ZNF276: variants seen among roughly 807,000 people sequenced by gnomAD.
ZNF276 encodes the protein zinc finger protein 276, also known as centromere protein Z.
ZNF276 carries 59 observed loss-of-function variants against 63.9 expected under a neutral mutation model. That is an observed-to-expected ratio of 0.92 (90% CI 0.75 to 1.15). ZNF276 has a LOEUF of 1.15. Ranked by LOEUF, ZNF276 falls within the 50% of genes most tolerant of loss-of-function variation. The pLI is 0.00. For missense variants in ZNF276, 1,084 were observed against 843.8 expected (o/e 1.28, Z -3.53); for synonymous variants, 496 against 348.4 (o/e 1.42, Z -4.72).
intron 6 of ZNF276, among the ~76,000 whole-genome samples, chr16:89,729,910 C>T (rs1324096773): frequency 6.6e-6 from 1 of 152,140 alleles, no homozygotes; most frequent in Non-Finnish European, 1.5e-5. Context: ...CTGGTTTTCA[C>T]TTGTGCTGTT....
At chr16:89,735,185 G>C (rs766813120) in intron 9 of ZNF276, among the ~76,000 whole-genome samples, 3 of 151,734 alleles carry the variant, frequency 2.0e-5, no homozygotes, top group Non-Finnish European at 4.4e-5. Flanking sequence ...TCAGGGACTC[G>C]AATCCCTGGT....
At chr16:89,729,100 T>G (rs549342150) in intron 5 of ZNF276, 135 bp from the exon 6 acceptor site, 1 of 736,268 alleles carries the variant, frequency 1.4e-6, no homozygotes, top group African/African-American at 1.8e-5. Flanking sequence ...TTGGGGATTT[T>G]AGATTTAAGA....
chr16:89,727,497 C>T, intron 5 of ZNF276, 140 bp downstream of exon 5: 1 of 964,966 alleles, frequency 1.0e-6, no homozygotes, highest in Middle Eastern at 3.4e-4. Flanking sequence ...GTAGGGTCGG[C>T]TGCCCATGCG....
chr16:89,727,683 G>T (rs1457136105), intron 5 of ZNF276, among the ~76,000 whole-genome samples: 2 of 152,218 alleles, frequency 1.3e-5, no homozygotes, highest in Non-Finnish European at 2.9e-5. Flanking sequence ...TCCAGAGGGA[G>T]CCTGATAGGG....
In ZNF276 at chr16:89,723,549, C is replaced by A. The variant is rs546682791; in HGVS notation, c.846C>A (p.Ala282=). 4.3e-6 allele frequency: 7 copies of A among 1,612,836 alleles called. No individual in the cohort carries two copies. Among genetic ancestry groups the A allele is most frequent in the Non-Finnish European group, 5.1e-6 (6 of 1,179,978 alleles). The change falls in exon 4 of 11, where the codon GCC becomes GCA. Residue 282 remains alanine, a synonymous_variant. Coordinates refer to ENST00000443381, the MANE Select transcript of ZNF276 (RefSeq NM_001113525.2). The part of the protein sequence containing the change: ...PQHRGWNPGD[A]PQTSQGRGTG... ...ACCGAGGGTGGAACCCTGGGGATGC[C>A]CCTCAGACCTCCCAGGGTAGAGGGA...
intron 9 of ZNF276, among the ~76,000 whole-genome samples, chr16:89,737,183 T>C (rs1348149986): frequency 6.6e-6 from 1 of 152,172 alleles, no homozygotes; most frequent in Non-Finnish European, 1.5e-5. Flanking sequence ...CAGCCATAGC[T>C]GTGACAATCA....
At chr16:89,722,892 G>T in intron 2 of ZNF276, 58 bp downstream of exon 2, 12 of 1,570,778 alleles carry the variant, frequency 7.6e-6, no homozygotes, top group Non-Finnish European at 1.0e-5. Flanking sequence ...TGTGACGGGT[G>T]TTGAGAGAGG....
chr16:89,723,074 TACG>T (rs1567563454), intron 2 of ZNF276, 60 bp from the exon 3 acceptor site: 1 of 1,612,136 alleles, frequency 6.2e-7, no homozygotes, highest in East Asian at 2.2e-5. Context: ...GAGGGTCCCG[TACG>T]ACGAGCGCTG....
At chr16:89,720,471 G>A, upstream of ZNF276, 1 of 1,093,428 alleles carries the variant, frequency 9.1e-7, no homozygotes, top group Non-Finnish European at 1.1e-6. Flanking sequence ...TTGGAAGGTG[G>A]CCTGGCGGAC....
At chr16:89,737,480 C>T (rs1899562057) in intron 9 of ZNF276, 1 of 347,584 alleles carries the variant, frequency 2.9e-6, no homozygotes, top group Non-Finnish European at 5.4e-6. Context: ...GAGATCACGC[C>T]ACCGCACTGC....
upstream of ZNF276, chr16:89,720,682 G>A (rs972556046): frequency 7.0e-6 from 9 of 1,289,444 alleles, no homozygotes; most frequent in Middle Eastern, 2.9e-4. Flanking sequence ...GCCCGAGCCG[G>A]CCCCGTCCTC....
rs771270307 is a variant in ZNF276 at position 89,738,228 on chromosome 16, G to A, written c.1827G>A (p.Val609=). 6.2e-6 allele frequency: 10 copies of A among 1,606,442 alleles called. No homozygotes were observed. The African/African-American group carries it at 9.4e-5, about 15-fold the overall frequency. Residue 609 remains valine (V), a synonymous_variant, in exon 11 of 11, where the codon GTG becomes GTA. Transcript: ENST00000443381. ...CTGTGACCACAGAGGGCCAGGCGGT[G>A]AAGCCCGAACCCACCTGAGGACGGC... ...SPSVTTEGQA[V]KPEPT
Position 89,738,222 on chromosome 16 carries a change from G to A in ZNF276, c.1821G>A (p.Gln607=). 6.2e-7 allele frequency: 1 copy of A among 1,608,492 alleles called. No individual in the cohort carries two copies. Among genetic ancestry groups the A allele is most frequent in the Non-Finnish European group, 8.5e-7 (1 of 1,177,946 alleles). ...GCCCCTCTGTGACCACAGAGGGCCA[G>A]GCGGTGAAGCCCGAACCCACCTGAG... The part of the protein sequence containing the change: ...PPSPSVTTEG[Q]AVKPEPT The change falls in exon 11 of 11, where the codon CAG becomes CAA. Residue 607 remains glutamine, a synonymous_variant. Transcript: ENST00000443381.
intron 9 of ZNF276, among the ~76,000 whole-genome samples, chr16:89,735,156 T>G (rs1469067223): frequency 6.6e-6 from 1 of 151,988 alleles, no homozygotes; most frequent in Non-Finnish European, 1.5e-5. Context: ...TTGAACCACG[T>G]GGACCCACAT....
Position 89,738,400 on chromosome 16 carries a change from T to G in ZNF276, c.*154T>G. 4 of 1,381,462 alleles carry G rather than the reference T, an allele frequency of 2.9e-6. No individual in the cohort carries two copies. The highest frequency in any genetic ancestry group is 3.9e-6 in the Non-Finnish European group (4 of 1,024,372). 85.6% of individuals were successfully genotyped at this position (1,381,462 alleles called of 1,614,324 possible). On this transcript the variant is annotated 3_prime_UTR_variant, in exon 11 of 11. Coordinates refer to ENST00000443381, the MANE Select transcript of ZNF276 (RefSeq NM_001113525.2). ...TGGTGTCCGGCTCAAGTAGCCTTCC[T>G]CTGCTCTGGGACCAGTGGTTTATTT...
At position 89,722,600 on chromosome 16, in the gene ZNF276, G is replaced by C; in HGVS notation, c.275G>C (p.Arg92Pro). ...CHGKFSSRSL[R>P]SISERAPGAS... ...GGGAAGTTTTCCTCGAGAAGCCTGCGCAGCATCTCCGAGAGGGCGCCTGGA... is the reference window on the plus strand; with the variant it reads ...GGGAAGTTTTCCTCGAGAAGCCTGCCCAGCATCTCCGAGAGGGCGCCTGGA... Residue 92 changes from arginine to proline, a missense_variant, in exon 2 of 11, where the codon CGC becomes CCC. By Grantham distance (103) the Arg-to-Pro change is moderately radical. Transcript: ENST00000443381. The C allele has an allele frequency of 6.2e-7, 1 of 1,612,162 alleles. No individual in the cohort carries two copies. The highest frequency in any genetic ancestry group is 8.5e-7 in the Non-Finnish European group (1 of 1,180,010).
chr16:89,720,877 A>T, upstream of ZNF276: 1 of 1,349,056 alleles, frequency 7.4e-7, no homozygotes, highest in Non-Finnish European at 9.5e-7. Flanking sequence ...CGAGCGGGGG[A>T]GGCGGCGGCG....
intron 9 of ZNF276, among the ~76,000 whole-genome samples, chr16:89,734,685 C>A (rs994156284): frequency 2.6e-5 from 4 of 152,134 alleles, no homozygotes; most frequent in African/African-American, 9.7e-5. Flanking sequence ...GAGCTGCCCA[C>A]GTGGACAGGC....
chr16:89,732,739 C>CCTGCTGTACCATGCCCTCGCCCT (rs2061700327), intron 6 of ZNF276: 1 of 184,962 alleles, frequency 5.4e-6, no homozygotes, highest in Non-Finnish European at 1.1e-5. Flanking sequence ...TGCCCCTGAC[C>CCTGCTGTACCATGCCCTCGCCCT]CTGCTGTACC....
Sources: allele counts gnomAD v4.1 joint callset (sites outside exome capture counted in the v4.1 genomes callset), GRCh38; gene constraint gnomAD v4.1.1; transcripts MANE v1.5; gene names NCBI Gene and HGNC (gene_info 2026-07-23, HGNC 2026-07-21).